Variants in KCNK3 observed in about 807,000 individuals in gnomAD.
KCNK3 encodes potassium two pore domain channel subfamily K member 3.
KCNK3 carries 9 observed loss-of-function variants against 27.3 expected under a neutral mutation model. The ratio of observed to expected loss-of-function variants is 0.33; its 90% CI spans 0.20 to 0.57. The LOEUF (loss-of-function observed/expected upper bound fraction) is 0.57, where lower values mean the gene tolerates loss of function less well. Ranked by LOEUF, KCNK3 falls within the 20% of genes least tolerant of loss-of-function variation. The pLI, the probability that KCNK3 is intolerant of heterozygous loss-of-function variation, is 0.87. For synonymous variants in KCNK3, 278 were observed against 273.8 expected (o/e 1.02, Z -0.15); for missense variants, 391 against 577.7 (o/e 0.68, Z 3.31).
At position 26,701,961 on chromosome 2, in the gene KCNK3, A is replaced by AAAC. The variant is rs145167117; in HGVS notation, c.283+8804_283+8806dup. Among the ~76,000 whole-genome samples the AAAC allele has an allele frequency of 1.4e-3, 208 of 152,244 alleles. 5 individuals are homozygous for AAAC. The East Asian group carries it at 0.025, about 19-fold the overall frequency. On this transcript the variant is annotated intron_variant, in intron 1 of 1. Transcript: ENST00000302909. The stretch of plus-strand genomic sequence containing the variant: ...TCTCAATCAATCAATCAATAAATAA[A>AAAC]AACTTTTATTTTAAGTTCAGGGATA...
chr2:26,701,698 T>C (rs1304442337), intron 1 of KCNK3, among the ~76,000 whole-genome samples: 1 of 152,218 alleles, frequency 6.6e-6, no homozygotes, highest in Non-Finnish European at 1.5e-5. Context: ...TCCCAACACT[T>C]TGGAGGCCAA....
intron 1 of KCNK3, among the ~76,000 whole-genome samples, chr2:26,710,018 C>T (rs1208160354): frequency 3.3e-5 from 5 of 152,228 alleles, no homozygotes; most frequent in African/African-American, 7.2e-5. Context: ...CTCCCTCCTC[C>T]AGGAAAGCTC....
chr2:26,696,439 G>A (rs1285805615), intron 1 of KCNK3, among the ~76,000 whole-genome samples: 1 of 152,182 alleles, frequency 6.6e-6, no homozygotes, highest in South Asian at 2.1e-4. Context: ...CTCAGACCCA[G>A]CCAGGCCTGA....
At chr2:26,714,139 G>C (rs1663182299) in intron 1 of KCNK3, among the ~76,000 whole-genome samples, 2 of 151,828 alleles carry the variant, frequency 1.3e-5, no homozygotes, top group African/African-American at 4.8e-5. Context: ...CTCCTACTTT[G>C]TGAGACCCTC....
intron 1 of KCNK3, among the ~76,000 whole-genome samples, chr2:26,717,823 C>T (rs986141036): frequency 2.6e-5 from 4 of 152,212 alleles, no homozygotes; most frequent in East Asian, 1.9e-4. Context: ...CTCTCCGTCT[C>T]CATTCTGTTC....
intron 1 of KCNK3, among the ~76,000 whole-genome samples, chr2:26,701,445 C>G (rs1242111136): frequency 1.3e-5 from 2 of 152,188 alleles, no homozygotes; most frequent in Admixed American, 6.5e-5. Context: ...GGCCAGGGAA[C>G]AGGGGACCAC....
intron 1 of KCNK3, among the ~76,000 whole-genome samples, chr2:26,706,798 C>T (rs1670379790): frequency 6.6e-6 from 1 of 152,144 alleles, no homozygotes; most frequent in South Asian, 2.1e-4. Context: ...TCCTTTCTTG[C>T]AGCTGTGACG....
chr2:26,702,420 G>T (rs1390332956), intron 1 of KCNK3, among the ~76,000 whole-genome samples: 1 of 152,156 alleles, frequency 6.6e-6, no homozygotes, highest in South Asian at 2.1e-4. Context: ...TTGGTAGAGC[G>T]GGCATGGACA....
At chr2:26,705,716 G>T (rs957819202) in intron 1 of KCNK3, among the ~76,000 whole-genome samples, 1 of 152,186 alleles carries the variant, frequency 6.6e-6, no homozygotes, top group African/African-American at 2.4e-5. Context: ...AATGGCCTTG[G>T]TTCCCGGCCT....
Position 26,719,500 on chromosome 2 carries a change from G to A in KCNK3, c.284-8167G>A, listed in dbSNP as rs138000549. On this transcript the variant is annotated intron_variant, in intron 1 of 1. Coordinates refer to ENST00000302909, the MANE Select transcript of KCNK3 (RefSeq NM_002246.3). ...AGCCCTCCCTGATAACCCAACCAAA[G>A]TTCTCTATGTCCAGCCCTCCTTCGG... Among the ~76,000 whole-genome samples, 238 of 152,212 alleles carry A rather than the reference G, an allele frequency of 1.6e-3. 1 individual carries two copies. Among genetic ancestry groups the A allele is most frequent in the African/African-American group, 5.5e-3 (230 of 41,518 alleles).
chr2:26,710,139 G>C (rs1031471053), intron 1 of KCNK3, among the ~76,000 whole-genome samples: 2 of 152,202 alleles, frequency 1.3e-5, no homozygotes, highest in South Asian at 2.1e-4. Flanking sequence ...TGCCAAGGGT[G>C]GGGGGCTGAA....
chr2:26,702,751 G>T (rs976299440), intron 1 of KCNK3, among the ~76,000 whole-genome samples: 1 of 152,164 alleles, frequency 6.6e-6, no homozygotes, highest in East Asian at 1.9e-4. Flanking sequence ...GAGATGTGTT[G>T]CAAGGAATTG....
chr2:26,720,214 C>T (rs1003682433), intron 1 of KCNK3, among the ~76,000 whole-genome samples: 12 of 152,186 alleles, frequency 7.9e-5, no homozygotes, highest in Non-Finnish European at 1.0e-4. Flanking sequence ...GAGGTCATGC[C>T]ACTGCACTCT....
At chr2:26,705,772 A>C (rs188137020) in intron 1 of KCNK3, among the ~76,000 whole-genome samples, 1 of 152,030 alleles carries the variant, frequency 6.6e-6, no homozygotes, top group African/African-American at 2.4e-5. Flanking sequence ...TGAGACCAGA[A>C]TGGGGACAGA....
chr2:26,714,952 G>A (rs1207303814), intron 1 of KCNK3, among the ~76,000 whole-genome samples: 6 of 152,206 alleles, frequency 3.9e-5, no homozygotes, highest in African/African-American at 1.4e-4. Flanking sequence ...GATGGGCCAT[G>A]GATCCTGATC....
chr2:26,721,976 G>T lies in KCNK3; in HGVS notation c.284-5691G>T, dbSNP rs1469855149. Among the ~76,000 whole-genome samples, 1 of 152,214 alleles carries T rather than the reference G, an allele frequency of 6.6e-6. No homozygotes were observed. Among genetic ancestry groups the T allele is most frequent in the Non-Finnish European group, 1.5e-5 (1 of 68,032 alleles). ...GAGATCAAAGAATCATATCGTCAGA[G>T]ACCTGGGGGAAGGACCTCAGAGGTT... is the stretch of plus-strand genomic sequence containing the variant. On this transcript the variant is annotated intron_variant, in intron 1 of 1. Transcript: ENST00000302909. The surrounding 1 kb of genome is among the most constrained non-coding windows in gnomAD (Gnocchi z 4.3).
In KCNK3 at chr2:26,724,671, G is replaced by A. The variant is rs1663380672; in HGVS notation, c.284-2996G>A. 9 of 954,344 alleles carry A rather than the reference G, an allele frequency of 9.4e-6. No individual in the cohort carries two copies. The South Asian group carries it at 3.9e-4, about 41-fold the overall frequency. 59.1% of individuals were successfully genotyped at this position (954,344 alleles called of 1,614,324 possible). ...ATCTAGGCCAGGGCTGCCTGGACAG[G>A]GCAGTGGCTGTGGTGGAGCATGAGG... On this transcript the variant is annotated intron_variant, in intron 1 of 1. Transcript: ENST00000302909.
At chr2:26,724,181 C>T (rs958888374) in intron 1 of KCNK3, among the ~76,000 whole-genome samples, 1 of 152,358 alleles carries the variant, frequency 6.6e-6, no homozygotes, top group East Asian at 1.9e-4. Flanking sequence ...GGTCCTCACA[C>T]TCCCTTGCCC....
intron 1 of KCNK3, among the ~76,000 whole-genome samples, chr2:26,694,561 C>T (rs1037202143): frequency 5.9e-5 from 9 of 152,108 alleles, no homozygotes; most frequent in African/African-American, 2.2e-4. Flanking sequence ...CTGGATTCTT[C>T]TCTTGGAAGA....
Sources: gnomAD v4.1 joint callset for allele counts (sites outside exome capture counted in the v4.1 genomes callset) on GRCh38, gnomAD v4.1.1 for gene constraint, Gnocchi (gnomAD v3.1) non-coding constraint, MANE v1.5 for transcripts, NCBI Gene and HGNC (gene_info 2026-07-23, HGNC 2026-07-21) for gene names.